The following ELAC2 variants were observed in gnomAD, a reference collection of about 807,000 sequenced individuals.
The protein encoded by ELAC2 is zinc phosphodiesterase ELAC protein 2.
A neutral mutation model predicts 105.2 loss-of-function variants in ELAC2; 92 were observed. The ratio of observed to expected loss-of-function variants is 0.87; its 90% CI spans 0.74 to 1.04. The LOEUF is 1.04. Ranked by LOEUF, ELAC2 falls within the 50% of genes least tolerant of loss-of-function variation. The pLI, the probability that ELAC2 is intolerant of heterozygous loss-of-function variation, is 0.00. For synonymous variants in ELAC2, 468 were observed against 409.1 expected, an observed-to-expected ratio of 1.14 and a Z score of -1.74; for missense variants, 1,099 against 1,071.7, an observed-to-expected ratio of 1.03 and a Z score of -0.36.
intron 5 of ELAC2, among the ~76,000 whole-genome samples, chr17:13,013,656 A>G (rs1366367149): frequency 6.6e-6 from 1 of 152,216 alleles, no homozygotes; most frequent in Non-Finnish European, 1.5e-5. Flanking sequence ...TAGTGTTTCT[A>G]TAAAAGAGGA....
At chr17:13,000,312 G>C in intron 14 of ELAC2, 38 bp from the exon 15 acceptor site, 1 of 1,584,666 alleles carries the variant, frequency 6.3e-7, no homozygotes, top group Non-Finnish European at 8.7e-7. Context: ...GTGACGGACA[G>C]GGTATATGGC....
chr17:13,015,592 T>C, intron 4 of ELAC2, among the ~76,000 whole-genome samples, 176 bp downstream of exon 4: 1 of 152,210 alleles, frequency 6.6e-6, no homozygotes, highest in African/African-American at 2.4e-5. Flanking sequence ...GTAAAGTAAC[T>C]TGATCAAGGT....
At chr17:12,995,214 A>AT (rs1407325599) in intron 19 of ELAC2, 152 bp from the exon 20 acceptor site, 1 of 885,442 alleles carries the variant, frequency 1.1e-6, no homozygotes, top group African/African-American at 1.7e-5. Context: ...CAGCAGTCAA[A>AT]TATAAAGAGC....
At chr17:13,002,678 T>C (rs1318460650) in intron 12 of ELAC2, 99 bp from the exon 13 acceptor site, 2 of 1,534,590 alleles carry the variant, frequency 1.3e-6, no homozygotes, top group Admixed American at 2.0e-5. Context: ...GATGAGGTGT[T>C]CAAACAGTTC....
At chr17:12,996,379 C>T (rs770433795) in intron 17 of ELAC2, 168 bp downstream of exon 17, 21 of 927,034 alleles carry the variant, frequency 2.3e-5, no homozygotes, top group African/African-American at 1.3e-4. Context: ...ATTCTTGTGG[C>T]GCAGAAGGAC....
rs765096739 is a variant in ELAC2, at chr17:13,017,898, G to A, written c.50C>T (p.Ser17Leu). 3.9e-6 allele frequency: 6 copies of A among 1,543,774 alleles called. No homozygotes were observed. The East Asian group carries it at 9.7e-5, about 25-fold the overall frequency. The change falls in exon 1 of 24, where the codon TCG (serine) becomes TTG (leucine). Residue 17 changes from serine (S) to leucine (L), a missense_variant. By Grantham distance (145) the Ser-to-Leu change is moderately radical. Coordinates refer to ENST00000338034, the MANE Select transcript of ELAC2 (RefSeq NM_018127.7). ...TGCCTGCGATATGGTGCGTCCCTGC[G>A]ACATGGTGCGTCCGGCCGCGGACCG... ...LLRSAAGRTMSQGRTISQAPA... is the reference protein window; with the variant it reads ...LLRSAAGRTMLQGRTISQAPA...
intron 3 of ELAC2, 109 bp downstream of exon 3, chr17:13,016,745 CAAAAAAAA>C (rs879009279): frequency 9.2e-6 from 6 of 653,220 alleles, no homozygotes; most frequent in Non-Finnish European, 4.6e-6. Flanking sequence ...ACGCCACTGA[CAAAAAAAA>C]AAAAAAAAAA....
At position 13,002,553 on chromosome 17, in the gene ELAC2, A is replaced by G; in HGVS notation, c.1106T>C (p.Val369Ala). Residue 369 changes from valine to alanine, a missense_variant, in exon 13 of 24, where the codon GTC becomes GCC. Coordinates refer to ENST00000338034, the MANE Select transcript of ELAC2 (RefSeq NM_018127.7). ...ERFGPDTQHL[V>A]LNENCASVHN... The stretch of plus-strand genomic sequence containing the variant: ...AACTGAGGCACAGTTCTCATTCAGG[A>G]CCAAGTGCTGGGTGTCAGGCCCAAA... 6.2e-7 allele frequency: 1 copy of G among 1,604,898 alleles called. No homozygotes were observed. The highest frequency in any genetic ancestry group is 2.2e-5 in the East Asian group (1 of 44,694).
At chr17:12,999,578 C>T (rs571951793) in intron 15 of ELAC2, among the ~76,000 whole-genome samples, 14 of 152,350 alleles carry the variant, frequency 9.2e-5, no homozygotes, top group East Asian at 1.9e-4. Flanking sequence ...TTCACTAAAA[C>T]GTTTCACTCA....
In ELAC2 at chr17:13,001,513, AAAAT is replaced by A. The variant is rs200206695; in HGVS notation, c.1304+757_1304+760del. On this transcript the variant is annotated intron_variant, in intron 14 of 23. Coordinates refer to ENST00000338034, the MANE Select transcript of ELAC2 (RefSeq NM_018127.7). ...GTCTCAAAAAAATAAATAAATAAAT[AAAAT>A]AAATAAATTAATTAATTAAAATAAA... 8.1e-3 allele frequency among the ~76,000 whole-genome samples: 1,226 copies of A among 151,664 alleles called. 45 individuals carry two copies. In the East Asian group the frequency reaches 0.12, roughly 15 times the overall value.
chr17:13,010,203 C>T (rs1467248269), intron 8 of ELAC2, among the ~76,000 whole-genome samples: 1 of 151,786 alleles, frequency 6.6e-6, no homozygotes, highest in Non-Finnish European at 1.5e-5. Flanking sequence ...GAGAGTCTTG[C>T]TCTGTCACCC....
Position 13,002,582 on chromosome 17 carries a change from G to A in ELAC2, c.1080-3C>T, listed in dbSNP as rs538756575. 5.0e-6 allele frequency: 8 copies of A among 1,597,868 alleles called. No individual in the cohort carries two copies. The highest frequency in any genetic ancestry group is 1.7e-5 in the Admixed American group (1 of 58,372). ...AGTGCTGGGTGTCAGGCCCAAACCT[G>A]TGAAGAAACAGACCCGGCATTTGCA... On this transcript the variant is annotated splice_region_variant and splice_polypyrimidine_tract_variant and intron_variant, in intron 12 of 23. Coordinates refer to ENST00000338034, the MANE Select transcript of ELAC2 (RefSeq NM_018127.7).
chr17:13,009,574 G>C (rs1252495868), intron 8 of ELAC2, among the ~76,000 whole-genome samples: 3 of 151,270 alleles, frequency 2.0e-5, no homozygotes, highest in Admixed American at 6.6e-5. Context: ...TATTGCAGGG[G>C]AATGAAATAA....
intron 16 of ELAC2, 94 bp downstream of exon 16, chr17:12,998,318 C>T (rs893855825): frequency 1.8e-5 from 22 of 1,208,146 alleles, no homozygotes; most frequent in South Asian, 3.7e-5. Flanking sequence ...GGCTTGATAC[C>T]GCATTTCAAA....
chr17:13,013,126 T>A, intron 6 of ELAC2, 81 bp downstream of exon 6: 1 of 1,503,184 alleles, frequency 6.7e-7, no homozygotes, highest in Non-Finnish European at 9.2e-7. Context: ...CCACAGCAAG[T>A]GTTCAGTTTC....
rs753407746 is a variant in ELAC2, at chr17:13,002,446, A to G, written c.1213T>C (p.Cys405Arg). The G allele has an allele frequency of 1.2e-6, 2 of 1,613,120 alleles. No homozygotes were observed. Among genetic ancestry groups the G allele is most frequent in the South Asian group, 1.1e-5 (1 of 90,872 alleles). Residue 405 changes from cysteine to arginine, a missense_variant, in exon 13 of 24, where the codon TGT becomes CGT. Coordinates refer to ENST00000338034, the MANE Select transcript of ELAC2 (RefSeq NM_018127.7). Reference protein sequence around the residue: ...DIFPLLTSFRCKKEGPTLSVP... With the variant: ...DIFPLLTSFRRKKEGPTLSVP... ...GGGCCGGTCTGAGACACTACCTTAC[A>G]GCGGAAACTGGTGAGCAGGGGGAAG...
At chr17:13,004,483 C>T (rs891454711) in intron 11 of ELAC2, among the ~76,000 whole-genome samples, 14 of 152,272 alleles carry the variant, frequency 9.2e-5, no homozygotes, top group African/African-American at 3.1e-4. Flanking sequence ...GGAATGAAAG[C>T]TGAACCGCAA....
chr17:12,993,182 G>A, intron 23 of ELAC2, 137 bp from the exon 24 acceptor site: 1 of 950,758 alleles, frequency 1.1e-6, no homozygotes, highest in Non-Finnish European at 1.6e-6. Context: ...GGCCACAGCT[G>A]AAATGGAAAA....
At chr17:12,997,212 G>A (rs1418001657) in intron 16 of ELAC2, among the ~76,000 whole-genome samples, 2 of 152,190 alleles carry the variant, frequency 1.3e-5, no homozygotes, top group Non-Finnish European at 2.9e-5. Context: ...AGACTCCCAG[G>A]TGTCACTCGG....
Sources: allele counts gnomAD v4.1 joint callset (sites outside exome capture counted in the v4.1 genomes callset), GRCh38; gene constraint gnomAD v4.1.1; transcripts MANE v1.5; gene names NCBI Gene and HGNC (gene_info 2026-07-23, HGNC 2026-07-21).